SMIM14: variants seen among roughly 807,000 people sequenced by gnomAD.
SMIM14 encodes chromosome 4 open reading frame 34.
Under a neutral mutation model 12.6 loss-of-function variants are expected in SMIM14, and 5 were observed. The ratio of observed to expected loss-of-function variants is 0.40; its 90% CI spans 0.21 to 0.83. The LOEUF is 0.83. SMIM14 is among the 40% of genes least tolerant of loss of function. The pLI is 0.37. For synonymous variants in SMIM14, 30 were observed against 40.1 expected, an observed-to-expected ratio of 0.75 and a Z score of 0.95; for missense variants, 86 against 119.1, an observed-to-expected ratio of 0.72 and a Z score of 1.29.
chr4:39,566,635 C>A (rs1219756346), intron 3 of SMIM14, among the ~76,000 whole-genome samples: 1 of 151,834 alleles, frequency 6.6e-6, no homozygotes, highest in African/African-American at 2.4e-5. Context: ...GAGTTCAAGA[C>A]CAGCCTCGGC....
intron 4 of SMIM14, among the ~76,000 whole-genome samples, chr4:39,553,908 TCTTA>T (rs1249157891): frequency 3.9e-5 from 6 of 152,286 alleles, no homozygotes. Context: ...ATGCCTTCTT[TCTTA>T]AAGTTAGCAT....
intron 1 of SMIM14, among the ~76,000 whole-genome samples, chr4:39,626,751 C>T (rs563320969): frequency 6.6e-6 from 1 of 152,282 alleles, no homozygotes; most frequent in South Asian, 2.1e-4. Context: ...AAGGAGAACG[C>T]TTTTCTCCTT....
At chr4:39,619,595 T>C (rs1447606785) in intron 1 of SMIM14, among the ~76,000 whole-genome samples, 1 of 87,294 alleles carries the variant, frequency 1.1e-5, no homozygotes, top group Non-Finnish European at 2.0e-5. Flanking sequence ...TCAATAAATA[T>C]AATTTATTCT....
At chr4:39,599,916 C>T (rs368859397) in intron 2 of SMIM14, among the ~76,000 whole-genome samples, 14 of 143,616 alleles carry the variant, frequency 9.7e-5, no homozygotes, top group South Asian at 4.6e-4. Context: ...AGTGAGACTC[C>T]GTCTCAAAAA....
intron 4 of SMIM14, among the ~76,000 whole-genome samples, chr4:39,555,027 G>A (rs1560280995): frequency 6.6e-6 from 1 of 151,580 alleles, no homozygotes; most frequent in African/African-American, 2.4e-5. Context: ...CTAGAGACAG[G>A]GTTTCACCAT....
At position 39,549,518 on chromosome 4, in the gene SMIM14, C is replaced by G. The variant is rs1057298730; in HGVS notation, c.*2608G>C. The G allele has an allele frequency of 6.6e-6, 1 of 152,214 alleles. No homozygotes were observed. Among genetic ancestry groups the G allele is most frequent in the Non-Finnish European group, 1.5e-5 (1 of 68,080 alleles). 9.4% of individuals were successfully genotyped at this position (152,214 alleles called of 1,614,324 possible). On this transcript the variant is annotated 3_prime_UTR_variant, in exon 5 of 5. Transcript: ENST00000295958. The stretch of plus-strand genomic sequence containing the variant: ...CAACCTCCTGACCTCAAGTGATCCA[C>G]CTGCCCCAGCCTCCCAAAGTGCTGG...
At chr4:39,615,841 G>T (rs576641117) in intron 1 of SMIM14, among the ~76,000 whole-genome samples, 87 of 152,188 alleles carry the variant, frequency 5.7e-4, no homozygotes, top group African/African-American at 2.1e-3. Flanking sequence ...AATAAAAAGT[G>T]TTTTTACAAA....
At chr4:39,582,162 C>T (rs28506068) in intron 2 of SMIM14, among the ~76,000 whole-genome samples, 8,789 of 152,028 alleles carry the variant, frequency 0.058, 825 homozygotes, top group African/African-American at 0.2. Context: ...TGAGCCACCG[C>T]GCCTGGTCTA....
At chr4:39,567,092 C>T (rs28770809) in intron 3 of SMIM14, among the ~76,000 whole-genome samples, 17,863 of 140,380 alleles carry the variant, frequency 0.13, 2,540 homozygotes, top group African/African-American at 0.36. Flanking sequence ...GCCGAGATTG[C>T]GCCATTGCAC....
intron 4 of SMIM14, among the ~76,000 whole-genome samples, chr4:39,553,623 C>T (rs2608821): frequency 0.097 from 14,138 of 145,664 alleles, 915 homozygotes; most frequent in Middle Eastern, 0.19. Context: ...GATGGAGTCT[C>T]GCTCTTGTTG....
chr4:39,607,945 T>C (rs1021138416), intron 1 of SMIM14, among the ~76,000 whole-genome samples: 4 of 152,156 alleles, frequency 2.6e-5, no homozygotes, highest in Non-Finnish European at 5.9e-5. Flanking sequence ...TCAGTAATCA[T>C]TAGGGAGATG....
At chr4:39,603,749 G>A (rs771288585) in intron 2 of SMIM14, among the ~76,000 whole-genome samples, 4 of 152,004 alleles carry the variant, frequency 2.6e-5, no homozygotes, top group Non-Finnish European at 5.9e-5. Context: ...AGTGGTTCAC[G>A]CCTGTAATCC....
intron 3 of SMIM14, among the ~76,000 whole-genome samples, chr4:39,561,059 A>G (rs189748450): frequency 1.3e-5 from 2 of 151,938 alleles, no homozygotes; most frequent in African/African-American, 4.8e-5. Flanking sequence ...AAAAGCAAAT[A>G]CATGTTGAGT....
At chr4:39,634,525 A>T (rs531019954) in intron 1 of SMIM14, among the ~76,000 whole-genome samples, 1 of 152,328 alleles carries the variant, frequency 6.6e-6, no homozygotes, top group African/African-American at 2.4e-5. Context: ...TTAAATGAAA[A>T]CATGTAACAG....
At chr4:39,556,370 T>C in intron 4 of SMIM14, 58 bp downstream of exon 4, 1 of 1,527,654 alleles carries the variant, frequency 6.5e-7, no homozygotes, top group Admixed American at 2.2e-5. Context: ...AGTCCTTCCC[T>C]GCCCCAGGCC....
rs1491465219 is a variant in SMIM14, at chr4:39,576,685, T to TATATATATATATATATATATA, written c.76-4223_76-4222insTATATATATATATATATATAT. Among the ~76,000 whole-genome samples the TATATATATATATATATATATA allele has an allele frequency of 2.2e-3, 10 of 4,642 alleles. 1 individual carries two copies. The highest frequency in any genetic ancestry group is 0.023 in the East Asian group (2 of 86). The allele number at this position is 4,642 out of a possible 152,430, so 3.0% of individuals were successfully genotyped here. A position where few individuals can be genotyped will look rare whatever the true frequency, so the allele number is the denominator to read the frequency against. ...GTATATATATATATATATATATATA[T>TATATATATATATATATATATA]TTTTTTTTTTTTTTTTTTTTTTTTT... On this transcript the variant is annotated intron_variant, in intron 2 of 4. Transcript: ENST00000295958.
intron 2 of SMIM14, among the ~76,000 whole-genome samples, chr4:39,579,420 A>G (rs1713377171): frequency 6.6e-6 from 1 of 151,852 alleles, no homozygotes. Context: ...CAAAAAAAAA[A>G]AAAAAGAAAA....
intron 2 of SMIM14, among the ~76,000 whole-genome samples, chr4:39,590,758 C>T (rs190693784): frequency 4.0e-5 from 6 of 150,490 alleles, no homozygotes; most frequent in South Asian, 4.2e-4. Flanking sequence ...GCCCAGATTG[C>T]GCCATTGCAC....
chr4:39,603,327 G>C (rs1714684609), intron 2 of SMIM14, among the ~76,000 whole-genome samples: 1 of 152,108 alleles, frequency 6.6e-6, no homozygotes, highest in Admixed American at 6.6e-5. Flanking sequence ...GGGAGGCTGA[G>C]GCAGGTGGAT....
Sources: gnomAD v4.1 joint callset for allele counts (sites outside exome capture counted in the v4.1 genomes callset) on GRCh38, gnomAD v4.1.1 for gene constraint, MANE v1.5 for transcripts, NCBI Gene and HGNC (gene_info 2026-07-23, HGNC 2026-07-21) for gene names.